The following LYST variants were observed in gnomAD, a reference collection of about 807,000 sequenced individuals.
LYST encodes lysosomal trafficking regulator.
LYST carries 192 observed loss-of-function variants against 413.6 expected under a neutral mutation model. The ratio of observed to expected loss-of-function variants is 0.46; its 90% CI spans 0.41 to 0.52. The LOEUF (loss-of-function observed/expected upper bound fraction) is 0.52. Among genes scored for constraint, LYST ranks in the 20% least tolerant of loss-of-function variants. LYST has a pLI of 0.00. For synonymous variants in LYST, 1,525 were observed against 1,567.3 expected (o/e 0.97, Z 0.64); for missense variants, 3,815 against 4,499.9 (o/e 0.85, Z 4.35).
intron 31 of LYST, chr1:235,736,180 A>G (rs1664801598): frequency 6.6e-6 from 1 of 152,144 alleles, no homozygotes; most frequent in African/African-American, 2.4e-5. Flanking sequence ...AAAAGGTGTC[A>G]CTGGGAATAG....
At chr1:235,864,555 T>C (rs948529078) in intron 1 of LYST, among the ~76,000 whole-genome samples, 1 of 152,182 alleles carries the variant, frequency 6.6e-6, no homozygotes, top group Non-Finnish European at 1.5e-5. Flanking sequence ...TCCGGATTGG[T>C]ATCCCAGCTT....
In LYST at chr1:235,759,188, G is replaced by A. The variant is rs776639899; in HGVS notation, c.6665C>T (p.Ser2222Phe). ...RSEDDSPGDE[S>F]CPRRPDYLKG... ...TAGGTAATCAGGTCGGCGTGGGCAG[G>A]ACTCATCCCCAGGACTGTCATCTTC... The change falls in exon 23 of 53, where the codon TCC (serine) becomes TTC (phenylalanine). Residue 2222 changes from serine (S) to phenylalanine (F), a missense_variant. This residue lies in a region of LYST where 771 missense variants were observed against 837.1 expected (regional missense o/e 0.92). Transcript: ENST00000389793. The A allele has an allele frequency of 4.3e-6, 7 of 1,614,160 alleles. No homozygotes were observed. Among genetic ancestry groups the A allele is most frequent in the Non-Finnish European group, 5.9e-6 (7 of 1,180,016 alleles).
intron 28 of LYST, chr1:235,747,070 C>T (rs970131803): frequency 1.2e-4 from 34 of 277,126 alleles, no homozygotes; most frequent in South Asian, 1.1e-3. Flanking sequence ...TGATTTAAAA[C>T]ATATGCATCA....
intron 14 of LYST, among the ~76,000 whole-genome samples, chr1:235,784,492 G>A (rs1312071091): frequency 1.3e-5 from 2 of 152,196 alleles, no homozygotes; most frequent in Non-Finnish European, 2.9e-5. Context: ...GAAAAAGGCT[G>A]CAGGGGCAGT....
intron 28 of LYST, among the ~76,000 whole-genome samples, chr1:235,750,627 G>A (rs1307445951): frequency 1.3e-5 from 2 of 152,062 alleles, no homozygotes; most frequent in Non-Finnish European, 2.9e-5. Flanking sequence ...TTATCTTTCT[G>A]GGTAAAGATG....
At chr1:235,783,620 C>T (rs1670098859) in intron 14 of LYST, among the ~76,000 whole-genome samples, 1 of 151,868 alleles carries the variant, frequency 6.6e-6, no homozygotes, top group African/African-American at 2.4e-5. Flanking sequence ...GCACGTTCTG[C>T]ACATGTATCC....
In LYST at chr1:235,833,664, T is replaced by G; in HGVS notation, c.-94A>C. On this transcript the variant is annotated 5_prime_UTR_variant, in exon 2 of 53. Coordinates refer to ENST00000389793, the MANE Select transcript of LYST (RefSeq NM_000081.4). Reference sequence around the variant, plus strand: ...AAACAAATATTCTTAGAACAAAGCTTCACCTACAAAAAAAAAGACATATTA... The same window carrying G: ...AAACAAATATTCTTAGAACAAAGCTGCACCTACAAAAAAAAAGACATATTA... 1.2e-6 allele frequency: 1 copy of G among 842,076 alleles called. No individual in the cohort carries two copies. The highest frequency in any genetic ancestry group is 1.4e-6 in the Non-Finnish European group (1 of 699,134). The allele number at this position is 842,076 out of a possible 1,614,324, so 52.2% of individuals were successfully genotyped here.
intron 10 of LYST, among the ~76,000 whole-genome samples, chr1:235,799,659 T>C (rs1671976245): frequency 6.6e-6 from 1 of 152,188 alleles, no homozygotes; most frequent in Admixed American, 6.5e-5. Flanking sequence ...ATACATTCAT[T>C]ATGAATTTCT....
intron 10 of LYST, among the ~76,000 whole-genome samples, chr1:235,797,321 C>T (rs988546544): frequency 2.0e-5 from 3 of 152,160 alleles, no homozygotes; most frequent in Non-Finnish European, 4.4e-5. Context: ...AGTAACTTTA[C>T]AGTGGAGAGA....
chr1:235,731,000 A>G, intron 35 of LYST, 32 bp downstream of exon 35: 1 of 1,610,280 alleles, frequency 6.2e-7, no homozygotes, highest in South Asian at 1.1e-5. Context: ...TCTCTGCTAT[A>G]TTTATATGTT....
chr1:235,713,498 T>C (rs1662574332), intron 42 of LYST, among the ~76,000 whole-genome samples: 1 of 152,202 alleles, frequency 6.6e-6, no homozygotes, highest in Non-Finnish European at 1.5e-5. Context: ...AAATTCCCAT[T>C]ATCTAGAATA....
chr1:235,848,725 A>G (rs924075565), intron 1 of LYST, among the ~76,000 whole-genome samples: 1 of 152,146 alleles, frequency 6.6e-6, no homozygotes, highest in East Asian at 1.9e-4. Flanking sequence ...AATACAAAAG[A>G]TCATTCAAGG....
chr1:235,706,569 C>T (rs1438916655), intron 44 of LYST, among the ~76,000 whole-genome samples: 1 of 152,118 alleles, frequency 6.6e-6, no homozygotes, highest in Admixed American at 6.5e-5. Flanking sequence ...ATATGCTTTT[C>T]TCTTGTTAAT....
intron 1 of LYST, among the ~76,000 whole-genome samples, chr1:235,837,710 T>G (rs1309491318): frequency 6.6e-6 from 1 of 151,560 alleles, no homozygotes; most frequent in Non-Finnish European, 1.5e-5. Flanking sequence ...AACATGGAAG[T>G]TACTGACAAT....
chr1:235,808,695 C>T lies in LYST; in HGVS notation c.2123G>A (p.Ser708Asn), dbSNP rs1673132569. ...GCAAATGTGATTTGCAATCTGTATACTATGTAATCTGTCTTCTTCAAAAAC... is the reference window on the plus strand; with the variant it reads ...GCAAATGTGATTTGCAATCTGTATATTATGTAATCTGTCTTCTTCAAAAAC... ...NFVFEEDRLH[S>N]IQIANHICNL... The change falls in exon 5 of 53, where the codon AGT becomes AAT. Residue 708 changes from serine (S) to asparagine (N), a missense_variant. Coordinates refer to ENST00000389793, the MANE Select transcript of LYST (RefSeq NM_000081.4). 1 of 1,613,920 alleles carries T rather than the reference C, an allele frequency of 6.2e-7. No individual in the cohort carries two copies. The highest frequency in any genetic ancestry group is 8.5e-7 in the Non-Finnish European group (1 of 1,179,936).
Position 235,809,535 on chromosome 1 carries a change from T to G in LYST, c.1283A>C (p.Gln428Pro), listed in dbSNP as rs1368565989. Residue 428 changes from glutamine (Q) to proline (P), a missense_variant, in exon 5 of 53, where the codon CAA becomes CCA. Physicochemically the swap from Gln to Pro is moderately conservative, Grantham distance 76. Coordinates refer to ENST00000389793, the MANE Select transcript of LYST (RefSeq NM_000081.4). The surrounding 1 kb of genome is among the most constrained non-coding windows in gnomAD (Gnocchi z 4.0). ...GAATTCTTGAACCAAATCCATGGCT[T>G]GACTGAAGTAGAAGGGATTTGAAGC... Reference protein sequence around the residue: ...SAASNPFYFSQAMDLVQEFIQ... With the variant: ...SAASNPFYFSPAMDLVQEFIQ... 3 of 1,613,964 alleles carry G rather than the reference T, an allele frequency of 1.9e-6. No individual in the cohort carries two copies. The African/African-American group carries it at 4.0e-5, about 22-fold the overall frequency.
intron 1 of LYST, chr1:235,883,116 C>A (rs1371388136): frequency 6.6e-6 from 1 of 152,248 alleles, no homozygotes; most frequent in Non-Finnish European, 1.5e-5. Flanking sequence ...TCAGTCTGCA[C>A]CCAGCCTGCC....
intron 43 of LYST, 96 bp from the exon 44 acceptor site, chr1:235,709,404 G>T (rs1228569674): frequency 6.1e-6 from 6 of 986,480 alleles, no homozygotes; most frequent in East Asian, 2.6e-5. Flanking sequence ...ATAGCTGTTT[G>T]TGTGCTACAA....
intron 1 of LYST, among the ~76,000 whole-genome samples, chr1:235,841,065 CTCTG>C (rs926729704): frequency 6.6e-6 from 1 of 152,208 alleles, no homozygotes; most frequent in Non-Finnish European, 1.5e-5. Flanking sequence ...GAGCTGAGTC[CTCTG>C]TCTATTAGGC....
Sources: gnomAD v4.1 joint callset for allele counts (sites outside exome capture counted in the v4.1 genomes callset) on GRCh38, gnomAD v4.1.1 for gene constraint, gnomAD v4.1.1 regional missense constraint, Gnocchi (gnomAD v3.1) non-coding constraint, MANE v1.5 for transcripts, NCBI Gene and HGNC (gene_info 2026-07-23, HGNC 2026-07-21) for gene names.